Variants in EZH2 observed in about 807,000 individuals in gnomAD.
EZH2 encodes the protein enhancer of zeste 2 polycomb repressive complex 2 subunit.
Under a neutral mutation model 98.4 loss-of-function variants are expected in EZH2, and 18 were observed. The ratio of observed to expected loss-of-function variants is 0.18; its 90% CI spans 0.13 to 0.27. The LOEUF is 0.27. Among genes scored for constraint, EZH2 ranks in the 10% least tolerant of loss-of-function variants. EZH2 has a pLI of 1.00. For missense variants in EZH2, 470 were observed against 935.1 expected (o/e 0.50, Z 6.49); for synonymous variants, 338 against 312.3 (o/e 1.08, Z -0.87).
rs532705080 is a variant in EZH2, at chr7:148,818,240, A to C, written c.1000-123T>G. ...TGTATCACATTATCCATTTATCACAAATAATCATTTGCATGTCTAATATAC... is the reference window on the plus strand; with the variant it reads ...TGTATCACATTATCCATTTATCACACATAATCATTTGCATGTCTAATATAC... On this transcript the variant is annotated intron_variant, in intron 9 of 19. Coordinates refer to ENST00000320356, the MANE Select transcript of EZH2 (RefSeq NM_004456.5). 2.9e-5 allele frequency: 30 copies of C among 1,039,098 alleles called. No homozygotes were observed. In the South Asian group the frequency reaches 5.5e-4, roughly 19 times the overall value. The allele number at this position is 1,039,098 out of a possible 1,614,324, so 64.4% of individuals were successfully genotyped here. A position where few individuals can be genotyped will look rare whatever the true frequency, so the allele number is the denominator to read the frequency against.
chr7:148,874,661 A>C (rs1180952363), intron 1 of EZH2, among the ~76,000 whole-genome samples: 1 of 152,174 alleles, frequency 6.6e-6, no homozygotes, highest in Non-Finnish European at 1.5e-5. Context: ...AAGAAAAACT[A>C]AAAATTTATT....
intron 1 of EZH2, among the ~76,000 whole-genome samples, chr7:148,879,080 C>T (rs1351855398): frequency 6.6e-6 from 1 of 150,724 alleles, no homozygotes; most frequent in Admixed American, 6.6e-5. Context: ...CAAAAATTAG[C>T]CAGGTGTGGT....
chr7:148,866,559 T>TACATATATATACGTAC (rs1818518736), intron 1 of EZH2, among the ~76,000 whole-genome samples: 1 of 142,860 alleles, frequency 7.0e-6, no homozygotes. Context: ...TATATACATA[T>TACATATATATACGTAC]ATACATATAT....
At chr7:148,871,062 A>T (rs912603518) in intron 1 of EZH2, among the ~76,000 whole-genome samples, 5 of 152,344 alleles carry the variant, frequency 3.3e-5, no homozygotes, top group Middle Eastern at 3.4e-3. Flanking sequence ...ATTTTCAATA[A>T]ATTCAAAAGT....
intron 5 of EZH2, among the ~76,000 whole-genome samples, 172 bp downstream of exon 5, chr7:148,829,556 G>C (rs1329786287): frequency 2.6e-5 from 4 of 152,144 alleles, no homozygotes; most frequent in Admixed American, 2.0e-4. Flanking sequence ...CCCAAAAATA[G>C]TTAGGGAAAA....
intron 3 of EZH2, among the ~76,000 whole-genome samples, chr7:148,839,092 G>GGAAGGAAGGAAGGAAGGAAAGAAA (rs1562997871): frequency 1.5e-4 from 22 of 144,686 alleles, no homozygotes; most frequent in African/African-American, 5.8e-4. Flanking sequence ...AAGGAAGGAA[G>GGAAGGAAGGAAGGAAGGAAAGAAA]GAAGGAAGGA....
In EZH2 at chr7:148,859,732, A is replaced by T. The variant is rs77276358; in HGVS notation, c.-7-12427T>A. ...TTCACCAACAGCAAACCCAGGAGCA[A>T]ACTATGTAAGAGCATGTTTTCTGGT... On this transcript the variant is annotated intron_variant, in intron 1 of 19. Transcript: ENST00000320356. Among the ~76,000 whole-genome samples the T allele has an allele frequency of 3.3e-3, 498 of 152,290 alleles. 4 individuals carry two copies. The highest frequency in any genetic ancestry group is 0.012 in the African/African-American group (487 of 41,564).
At chr7:148,810,810 C>T (rs1271831551) in intron 16 of EZH2, among the ~76,000 whole-genome samples, 9 of 150,222 alleles carry the variant, frequency 6.0e-5, no homozygotes, top group Non-Finnish European at 1.5e-5. Context: ...GCAGGAGAAT[C>T]GCTTGAACCC....
At chr7:148,854,419 CAGTG>C (rs1390034515) in intron 1 of EZH2, among the ~76,000 whole-genome samples, 1 of 141,656 alleles carries the variant, frequency 7.1e-6, no homozygotes, top group Non-Finnish European at 1.5e-5. Flanking sequence ...CTGGGCGACA[CAGTG>C]AGACTCCGTC....
chr7:148,839,099 A>T (rs957444049), intron 3 of EZH2, among the ~76,000 whole-genome samples: 25 of 151,342 alleles, frequency 1.7e-4, no homozygotes, highest in Middle Eastern at 3.4e-3. Flanking sequence ...GAAGGAAGGA[A>T]GGAAGGAAAG....
rs1474823316 is a variant in EZH2, at chr7:148,807,971, C to T, written c.2196-265G>A. On this transcript the variant is annotated intron_variant, in intron 19 of 19. Transcript: ENST00000320356. ...AACCTGTCTACAAGCATTCCCAGAG[C>T]CTGACCAGCCTCCCCTATGCCTCTG... Among the ~76,000 whole-genome samples, 3 of 152,202 alleles carry T rather than the reference C, an allele frequency of 2.0e-5. No homozygotes were observed. The East Asian group carries it at 5.8e-4, about 29-fold the overall frequency.
At chr7:148,808,955 T>C in intron 19 of EZH2, 116 bp downstream of exon 19, 1 of 738,530 alleles carries the variant, frequency 1.4e-6, no homozygotes, top group Non-Finnish European at 2.3e-6. Context: ...CCACTAATGC[T>C]CATGGCAAAG....
At chr7:148,863,083 CA>C (rs11295626) in intron 1 of EZH2, among the ~76,000 whole-genome samples, 88,206 of 117,278 alleles carry the variant, frequency 0.75, 32,840 homozygotes, top group Non-Finnish European at 0.8. Flanking sequence ...GACCCTGTCT[CA>C]AAAAAAAAAA....
chr7:148,870,624 C>A (rs1481723600), intron 1 of EZH2, among the ~76,000 whole-genome samples: 1 of 150,940 alleles, frequency 6.6e-6, no homozygotes, highest in African/African-American at 2.4e-5. Context: ...ATCACTTGAG[C>A]CCAGGAGGTC....
chr7:148,817,840 A>G, intron 10 of EZH2, 37 bp downstream of exon 10: 1 of 1,613,992 alleles, frequency 6.2e-7, no homozygotes, highest in Non-Finnish European at 8.5e-7. Context: ...ACGAACTTTC[A>G]CAGAACAGTA....
chr7:148,871,257 C>T (rs1042599551), intron 1 of EZH2, among the ~76,000 whole-genome samples: 7 of 152,016 alleles, frequency 4.6e-5, no homozygotes, highest in Admixed American at 2.6e-4. Context: ...CTGTAAAAAT[C>T]GTGCAGCCAT....
At chr7:148,815,407 TAGA>T in intron 13 of EZH2, 96 bp downstream of exon 13, 7 of 1,273,890 alleles carry the variant, frequency 5.5e-6, no homozygotes, top group Non-Finnish European at 8.0e-6. Context: ...GCAATTATAT[TAGA>T]ATAACCCAAG....
chr7:148,874,578 C>A lies in EZH2; in HGVS notation c.-8+9586G>T, dbSNP rs182639249. Among the ~76,000 whole-genome samples the A allele has an allele frequency of 3.3e-3, 507 of 152,162 alleles. 4 individuals are homozygous for A. The highest frequency in any genetic ancestry group is 0.012 in the African/African-American group (494 of 41,504). On this transcript the variant is annotated intron_variant, in intron 1 of 19. Coordinates refer to ENST00000320356, the MANE Select transcript of EZH2 (RefSeq NM_004456.5). ...GTGGTAAACAACACCCAATGGAGGT[C>A]CAACAGCTTGCTTTATATATTTTTT...
At chr7:148,809,508 A>G in intron 17 of EZH2, 118 bp from the exon 18 acceptor site, 1 of 694,786 alleles carries the variant, frequency 1.4e-6, no homozygotes, top group Non-Finnish European at 2.4e-6. Context: ...TGCAAAAGCA[A>G]ATAAATCAAG....
Sources: gnomAD v4.1 joint callset for allele counts (sites outside exome capture counted in the v4.1 genomes callset) on GRCh38, gnomAD v4.1.1 for gene constraint, MANE v1.5 for transcripts, NCBI Gene and HGNC (gene_info 2026-07-23, HGNC 2026-07-21) for gene names.